The following RNF144A variants were observed in gnomAD, a reference collection of about 807,000 sequenced individuals.
RNF144A encodes ring finger protein 144A, also known as E3 ubiquitin-protein ligase RNF144A.
A neutral mutation model predicts 38.7 loss-of-function variants in RNF144A; 11 were observed. The ratio of observed to expected loss-of-function variants is 0.28; its 90% confidence interval spans 0.18 to 0.47. The LOEUF (loss-of-function observed/expected upper bound fraction) is 0.47. Ranked by LOEUF, RNF144A falls within the 20% of genes least tolerant of loss-of-function variation. The probability of loss-of-function intolerance (pLI) is 0.99; values close to 1 mark genes in which losing one functional copy is unlikely to be tolerated. For synonymous variants in RNF144A, 149 were observed against 143.9 expected, an observed-to-expected ratio of 1.04 and a Z score of -0.25; for missense variants, 316 against 377.2, an observed-to-expected ratio of 0.84 and a Z score of 1.34.
chr2:6,963,011 C>T (rs1051876343), intron 2 of RNF144A, among the ~76,000 whole-genome samples: 2 of 152,196 alleles, frequency 1.3e-5, no homozygotes, highest in African/African-American at 2.4e-5. Context: ...AGGATGAAGT[C>T]GTACTTGGAC....
At chr2:6,971,418 A>C (rs1476720181) in intron 2 of RNF144A, among the ~76,000 whole-genome samples, 1 of 152,220 alleles carries the variant, frequency 6.6e-6, no homozygotes, top group East Asian at 1.9e-4. Context: ...GAAGGATATT[A>C]AATGTTGCAA....
chr2:7,049,931 C>T (rs879398978), intron 6 of RNF144A, among the ~76,000 whole-genome samples: 16 of 152,184 alleles, frequency 1.1e-4, no homozygotes, highest in African/African-American at 2.2e-4. Context: ...CTTTTGGAAA[C>T]GCCAGGGGCA....
intron 2 of RNF144A, among the ~76,000 whole-genome samples, chr2:6,947,640 A>T (rs951262399): frequency 2.0e-5 from 3 of 152,230 alleles, no homozygotes; most frequent in African/African-American, 7.2e-5. Context: ...TTGTAGTTCT[A>T]TTGAATTTTT....
intron 6 of RNF144A, among the ~76,000 whole-genome samples, chr2:7,058,962 C>A (rs189041634): frequency 6.6e-6 from 1 of 152,042 alleles, no homozygotes; most frequent in African/African-American, 2.4e-5. Context: ...GTATGTATAG[C>A]GGGTCTATCT....
chr2:6,935,425 G>A (rs1222912696), intron 1 of RNF144A, among the ~76,000 whole-genome samples: 3 of 152,150 alleles, frequency 2.0e-5, no homozygotes, highest in Non-Finnish European at 4.4e-5. Flanking sequence ...CTCATTGGTC[G>A]CTCTTCATCA....
At position 7,040,168 on chromosome 2, in the gene RNF144A, A is replaced by C. The variant is rs988594439; in HGVS notation, c.*408A>C. 3 of 992,790 alleles carry C rather than the reference A, an allele frequency of 3.0e-6. No homozygotes were observed. The African/African-American group carries it at 5.2e-5, about 17-fold the overall frequency. The allele number at this position is 992,790 out of a possible 1,614,324, so 61.5% of individuals were successfully genotyped here. A position where few individuals can be genotyped will look rare whatever the true frequency, so the allele number is the denominator to read the frequency against. ...TGCCACTCTCTTCAGACAGAATCTG[A>C]TTATTCCAGCTTGAGAGAAGCACTC... is the stretch of plus-strand genomic sequence containing the variant. On this transcript the variant is annotated 3_prime_UTR_variant, in exon 9 of 9. Transcript: ENST00000320892.
rs1461658530 is a variant in RNF144A at position 7,041,573 on chromosome 2, GA to G, written c.*1815del. On this transcript the variant is annotated 3_prime_UTR_variant, in exon 9 of 9. Transcript: ENST00000320892. The stretch of plus-strand genomic sequence containing the variant: ...GGTGCTGTGATGGTGTCTACTGTTA[GA>G]ATAGCTTTTCTGGAGGTGGGTGGCA... 1 of 985,922 alleles carries G rather than the reference GA, an allele frequency of 1.0e-6. No individual in the cohort carries two copies. The highest frequency in any genetic ancestry group is 1.7e-5 in the African/African-American group (1 of 57,242). 61.1% of individuals were successfully genotyped at this position (985,922 alleles called of 1,614,324 possible).
At chr2:7,066,843 C>A (rs1013986439) in intron 6 of RNF144A, among the ~76,000 whole-genome samples, 1 of 152,192 alleles carries the variant, frequency 6.6e-6, no homozygotes, top group African/African-American at 2.4e-5. Context: ...TCACTCAAAT[C>A]CCTAAGTATT....
At chr2:6,997,136 A>G in intron 3 of RNF144A, 75 bp downstream of exon 3, 2 of 1,458,652 alleles carry the variant, frequency 1.4e-6, no homozygotes, top group Non-Finnish European at 1.9e-6. Flanking sequence ...CAGAGACACT[A>G]GGCAAACCTT....
At chr2:7,035,499 A>AGT (rs1672613186) in intron 8 of RNF144A, among the ~76,000 whole-genome samples, 1 of 152,122 alleles carries the variant, frequency 6.6e-6, no homozygotes, top group Admixed American at 6.5e-5. Context: ...CAGCTGGGCC[A>AGT]CCCTCTGTCA....
rs1474368925 is a variant in RNF144A at position 6,917,806 on chromosome 2, G to A, written c.-212+184G>A. Among the ~76,000 whole-genome samples the A allele has an allele frequency of 2.0e-5, 3 of 150,426 alleles. No homozygotes were observed. Among genetic ancestry groups the A allele is most frequent in the African/African-American group, 4.9e-5 (2 of 41,202 alleles). On this transcript the variant is annotated intron_variant, in intron 1 of 8. Coordinates refer to ENST00000320892, the MANE Select transcript of RNF144A (RefSeq NM_014746.6). The surrounding 1 kb of genome is among the most constrained non-coding windows in gnomAD (Gnocchi z 4.8). The stretch of plus-strand genomic sequence containing the variant: ...GGGGCAGCGTCCCGGGCGGGGACTC[G>A]CGGGCTCCGTTCAGAGGACGCCCGC...
At chr2:7,002,542 G>T (rs1486338772) in intron 3 of RNF144A, among the ~76,000 whole-genome samples, 2 of 152,152 alleles carry the variant, frequency 1.3e-5, no homozygotes, top group African/African-American at 4.8e-5. Context: ...GAAAGAGGGT[G>T]TTGGGGCATG....
chr2:6,967,297 A>G (rs1378076775), intron 2 of RNF144A, among the ~76,000 whole-genome samples: 1 of 152,242 alleles, frequency 6.6e-6, no homozygotes, highest in African/African-American at 2.4e-5. Flanking sequence ...GTTATGTGAA[A>G]CATGTAATTC....
In RNF144A at chr2:6,970,408, C is replaced by T. The variant is rs548877800; in HGVS notation, c.-11-26508C>T. 2.7e-4 allele frequency among the ~76,000 whole-genome samples: 41 copies of T among 152,294 alleles called. No homozygotes were observed. The South Asian group carries it at 5.8e-3, about 22-fold the overall frequency. On this transcript the variant is annotated intron_variant, in intron 2 of 8. Coordinates refer to ENST00000320892, the MANE Select transcript of RNF144A (RefSeq NM_014746.6). ...TCCTCCTTGCCTTTCACCATGATTG[C>T]GAAGCCTCCCCAGCCATGTGGAACT...
rs188214353 is a variant in RNF144A, at chr2:7,003,708, T to A, written c.135+6647T>A. 3.2e-4 allele frequency among the ~76,000 whole-genome samples: 48 copies of A among 152,350 alleles called. 1 individual carries two copies. In the South Asian group the frequency reaches 3.5e-3, roughly 11 times the overall value. ...TTCTTGGACAACTCATGACTGTAAC[T>A]GGCAAGGACTAGAGGGCTCCAGACT... On this transcript the variant is annotated intron_variant, in intron 3 of 8. Coordinates refer to ENST00000320892, the MANE Select transcript of RNF144A (RefSeq NM_014746.6).
chr2:6,967,219 C>T (rs901501176), intron 2 of RNF144A, among the ~76,000 whole-genome samples: 1 of 152,240 alleles, frequency 6.6e-6, no homozygotes, highest in South Asian at 2.1e-4. Context: ...CATCACTATG[C>T]ATGTAGGTCA....
chr2:7,030,345 G>A (rs568280356), intron 8 of RNF144A, 130 bp downstream of exon 8: 31 of 707,374 alleles, frequency 4.4e-5, no homozygotes, highest in Admixed American at 2.0e-4. Context: ...CCTAAAGGAC[G>A]AAGATCTCCT....
rs1317817777 is a variant in RNF144A at position 7,041,601 on chromosome 2, C to T, written c.*1841C>T. On this transcript the variant is annotated 3_prime_UTR_variant, in exon 9 of 9. Transcript: ENST00000320892. Reference sequence around the variant, plus strand: ...TAGCTTTTCTGGAGGTGGGTGGCAACTCCACGCGGGAGTCATTGGCTGGGC... The same window carrying T: ...TAGCTTTTCTGGAGGTGGGTGGCAATTCCACGCGGGAGTCATTGGCTGGGC... The T allele has an allele frequency of 1.0e-6, 1 of 985,806 alleles. No individual in the cohort carries two copies. The highest frequency in any genetic ancestry group is 1.1e-4 in the East Asian group (1 of 8,832). The allele number at this position is 985,806 out of a possible 1,614,324, so 61.1% of individuals were successfully genotyped here.
intron 2 of RNF144A, among the ~76,000 whole-genome samples, chr2:6,980,758 A>G (rs1324576266): frequency 6.6e-6 from 1 of 152,210 alleles, no homozygotes; most frequent in Non-Finnish European, 1.5e-5. Context: ...GCAGTGCCCC[A>G]GTGGGGACTC....
Sources: allele counts gnomAD v4.1 joint callset (sites outside exome capture counted in the v4.1 genomes callset), GRCh38; gene constraint gnomAD v4.1.1; non-coding constraint Gnocchi (gnomAD v3.1); transcripts MANE v1.5; gene names NCBI Gene and HGNC (gene_info 2026-07-23, HGNC 2026-07-21).